The following IQGAP2 variants were observed in gnomAD, a reference collection of about 807,000 sequenced individuals.
IQGAP2 encodes IQ motif containing GTPase activating protein 2.
In IQGAP2, 173 loss-of-function variants were observed where a neutral mutation model predicts 201.3. The ratio of observed to expected loss-of-function variants is 0.86; its 90% CI spans 0.76 to 0.98. IQGAP2 has a LOEUF of 0.98. Among genes scored for constraint, IQGAP2 ranks in the 50% least tolerant of loss-of-function variants. The pLI is 0.00. For synonymous variants in IQGAP2, 675 were observed against 673.9 expected, an observed-to-expected ratio of 1.00 and a Z score of -0.03; for missense variants, 1,687 against 1,864.8, an observed-to-expected ratio of 0.90 and a Z score of 1.76.
chr5:76,676,623 G>T (rs2150498499), intron 27 of IQGAP2, among the ~76,000 whole-genome samples: 2 of 152,328 alleles, frequency 1.3e-5, no homozygotes, highest in Middle Eastern at 6.8e-3. Flanking sequence ...GCTTAAAATA[G>T]ACTTTTTAGG....
chr5:76,435,588 C>A (rs561782463), intron 1 of IQGAP2, among the ~76,000 whole-genome samples: 1 of 152,186 alleles, frequency 6.6e-6, no homozygotes, highest in East Asian at 1.9e-4. Context: ...GTAACTATAG[C>A]CTTGCAGTAT....
chr5:76,633,798 G>C (rs1750895681), intron 15 of IQGAP2, among the ~76,000 whole-genome samples: 1 of 152,090 alleles, frequency 6.6e-6, no homozygotes, highest in South Asian at 2.1e-4. Flanking sequence ...ATAGCCTTTT[G>C]TGCCTGGCTT....
intron 1 of IQGAP2, among the ~76,000 whole-genome samples, chr5:76,418,206 CA>C (rs11329998): frequency 0.39 from 33,216 of 85,658 alleles, 4,053 homozygotes; most frequent in Non-Finnish European, 0.45. Flanking sequence ...GACTCCGTCT[CA>C]AAAAAAAAAA....
Position 76,632,003 on chromosome 5 carries a change from C to T in IQGAP2, c.1757C>T (p.Ala586Val). The change falls in exon 15 of 36, where the codon GCA (alanine) becomes GTA (valine). Residue 586 changes from alanine to valine, a missense_variant. Physicochemically the swap from Ala to Val is moderately conservative, Grantham distance 64. Coordinates refer to ENST00000274364, the MANE Select transcript of IQGAP2 (RefSeq NM_006633.5). ...AAATACTATGATGCCCTTGTGAAGG[C>T]AAAAGAGCTCAAATCTGAAAGAGGT... ...ADKYYDALVK[A>V]KELKSERVSS... The T allele has an allele frequency of 6.2e-7, 1 of 1,605,884 alleles. No individual in the cohort carries two copies. Among genetic ancestry groups the T allele is most frequent in the Non-Finnish European group, 8.5e-7 (1 of 1,176,998 alleles).
At chr5:76,504,617 G>A (rs1412765900) in intron 2 of IQGAP2, among the ~76,000 whole-genome samples, 1 of 152,116 alleles carries the variant, frequency 6.6e-6, no homozygotes, top group African/African-American at 2.4e-5. Context: ...CTCCGCCACT[G>A]TGTACTATTT....
intron 6 of IQGAP2, among the ~76,000 whole-genome samples, 174 bp downstream of exon 6, chr5:76,589,147 TA>T (rs1746457142): frequency 6.6e-6 from 1 of 151,388 alleles, no homozygotes; most frequent in East Asian, 1.9e-4. Context: ...CCGTCTCTAC[TA>T]AAAAATACAA....
chr5:76,528,767 A>G (rs1288010902), intron 2 of IQGAP2, among the ~76,000 whole-genome samples: 3 of 152,206 alleles, frequency 2.0e-5, no homozygotes, highest in East Asian at 1.9e-4. Context: ...AGCCTAGTGC[A>G]TGCCATTTAG....
intron 16 of IQGAP2, among the ~76,000 whole-genome samples, chr5:76,639,352 T>A (rs1233503464): frequency 6.6e-6 from 1 of 152,214 alleles, no homozygotes. Context: ...GTCACCGGTA[T>A]CTCTGAGTGG....
intron 3 of IQGAP2, 140 bp from the exon 4 acceptor site, chr5:76,570,436 CTGTT>C: frequency 3.1e-6 from 2 of 645,292 alleles, no homozygotes; most frequent in Non-Finnish European, 5.6e-6. Context: ...TAGCACGCCT[CTGTT>C]TGCTTTATGT....
At chr5:76,507,047 GA>G (rs1414924578) in intron 2 of IQGAP2, among the ~76,000 whole-genome samples, 1 of 152,118 alleles carries the variant, frequency 6.6e-6, no homozygotes. Flanking sequence ...CAAAGACCCC[GA>G]ATAGCCAATA....
intron 3 of IQGAP2, among the ~76,000 whole-genome samples, chr5:76,570,338 T>C (rs906333358): frequency 6.6e-6 from 1 of 152,178 alleles, no homozygotes; most frequent in Non-Finnish European, 1.5e-5. Context: ...GTCTTGGAGA[T>C]TCTAGTTCAG....
At chr5:76,654,161 AT>A in intron 18 of IQGAP2, 38 bp from the exon 19 acceptor site, 2 of 1,422,778 alleles carry the variant, frequency 1.4e-6, no homozygotes, top group Non-Finnish European at 2.0e-6. Flanking sequence ...TTTTCTCTTT[AT>A]TTTTTGTTGT....
intron 5 of IQGAP2, among the ~76,000 whole-genome samples, chr5:76,582,017 C>G (rs1745905945): frequency 6.6e-6 from 1 of 152,240 alleles, no homozygotes; most frequent in Non-Finnish European, 1.5e-5. Context: ...GTGCCTGGCA[C>G]TGCACAAAAT....
chr5:76,648,172 T>C (rs1345902869), intron 17 of IQGAP2, among the ~76,000 whole-genome samples: 2 of 152,190 alleles, frequency 1.3e-5, no homozygotes, highest in Non-Finnish European at 2.9e-5. Context: ...AGTAGGTAGC[T>C]GGACCCCCTC....
chr5:76,669,300 A>T (rs1744076682), intron 23 of IQGAP2, among the ~76,000 whole-genome samples: 1 of 152,242 alleles, frequency 6.6e-6, no homozygotes, highest in Admixed American at 6.5e-5. Context: ...CTGAGAAACA[A>T]GCATGAGAAA....
chr5:76,607,763 C>T (rs1268849485), intron 12 of IQGAP2: 2 of 152,324 alleles, frequency 1.3e-5, no homozygotes, highest in African/African-American at 4.8e-5. Context: ...TGCCCTTCTC[C>T]ACAACCTCCG....
intron 2 of IQGAP2, among the ~76,000 whole-genome samples, chr5:76,540,338 C>T (rs978686469): frequency 2.6e-5 from 4 of 152,110 alleles, no homozygotes; most frequent in African/African-American, 9.7e-5. Flanking sequence ...AGTGAAATGG[C>T]TAGCTCTTTT....
chr5:76,546,811 C>T (rs1361392404), intron 2 of IQGAP2, among the ~76,000 whole-genome samples: 1 of 152,140 alleles, frequency 6.6e-6, no homozygotes, highest in African/African-American at 2.4e-5. Context: ...GTGCCTCAAA[C>T]GTTTTCACTC....
chr5:76,583,360 CCA>C (rs1237949816), intron 5 of IQGAP2, among the ~76,000 whole-genome samples: 1 of 151,944 alleles, frequency 6.6e-6, no homozygotes, highest in African/African-American at 2.4e-5. Flanking sequence ...GAAGCACCTC[CCA>C]CACAGAGATT....
Sources: allele counts gnomAD v4.1 joint callset (sites outside exome capture counted in the v4.1 genomes callset), GRCh38; gene constraint gnomAD v4.1.1; transcripts MANE v1.5; gene names NCBI Gene and HGNC (gene_info 2026-07-23, HGNC 2026-07-21).